RIC3: variants seen among roughly 807,000 people sequenced by gnomAD.
RIC3 encodes RIC3 acetylcholine receptor chaperone, also known as protein RIC-3.
RIC3 carries 28 observed loss-of-function variants against 27.3 expected under a neutral mutation model. That is an observed-to-expected ratio of 1.02 (90% CI 0.76 to 1.41). RIC3 has a LOEUF of 1.41. RIC3 is among the 40% of genes most tolerant of loss of function. RIC3 has a pLI of 0.00. For synonymous variants in RIC3, 184 were observed against 160.4 expected, an observed-to-expected ratio of 1.15 and a Z score of -1.11; for missense variants, 501 against 444.7, an observed-to-expected ratio of 1.13 and a Z score of -1.14.
the RIC3 span, among the ~76,000 whole-genome samples, chr11:8,099,973 G>A: frequency 6.6e-6 from 1 of 152,202 alleles, no homozygotes; most frequent in Admixed American, 6.5e-5. Flanking sequence ...GGAGTGAGCT[G>A]GAGAGCCACT....
chr11:8,099,384 T>G, the RIC3 span, among the ~76,000 whole-genome samples: 2 of 152,182 alleles, frequency 1.3e-5, no homozygotes, highest in Non-Finnish European at 2.9e-5. Context: ...TTGAACCTTT[T>G]TCTTCATTTT....
chr11:8,126,681 G>A lies in RIC3; in HGVS notation c.648C>T (p.Ala216=), dbSNP rs771388952. The A allele has an allele frequency of 6.2e-7, 1 of 1,613,958 alleles. No individual in the cohort carries two copies. Among genetic ancestry groups the A allele is most frequent in the South Asian group, 1.1e-5 (1 of 91,060 alleles). ...TACCTTCCCAGTCCTCCATGTAAGG[G>A]GCCTCCTCAGCTTCTTTCTCTGGAG... The part of the protein sequence containing the change: ...RFSPEKEAEE[A]PYMEDWEGYP... Residue 216 remains alanine (A), a synonymous_variant, in exon 5 of 6, where the codon GCC becomes GCT. Transcript: ENST00000309737.
chr11:8,110,623 A>G lies in RIC3; in HGVS notation c.*75T>C, dbSNP rs549019110. 4 of 1,325,158 alleles carry G rather than the reference A, an allele frequency of 3.0e-6. No homozygotes were observed. Among genetic ancestry groups the G allele is most frequent in the East Asian group, 4.6e-5 (2 of 43,598 alleles). The allele number at this position is 1,325,158 out of a possible 1,614,324, so 82.1% of individuals were successfully genotyped here. A position where few individuals can be genotyped will look rare whatever the true frequency, so the allele number is the denominator to read the frequency against. The stretch of plus-strand genomic sequence containing the variant: ...ACACAGTGAAGAAAGTGCAGGGCAC[A>G]GGGCCAAGAAGGAAATCTGAGGAGA... On this transcript the variant is annotated 3_prime_UTR_variant, in exon 6 of 6. Transcript: ENST00000309737.
rs1460982138 is a variant in RIC3, at chr11:8,135,086, G to A, written c.521+2292C>T. Among the ~76,000 whole-genome samples the A allele has an allele frequency of 3.3e-5, 5 of 151,974 alleles. No homozygotes were observed. In the South Asian group the frequency reaches 8.3e-4, roughly 25 times the overall value. The stretch of plus-strand genomic sequence containing the variant: ...TTGTCCACGCCTATGGTATTGCCTA[G>A]GTTTTCTTCTAGGGTTTTTATGGTT... On this transcript the variant is annotated intron_variant, in intron 4 of 5. Transcript: ENST00000309737.
rs144281227 is a variant in RIC3, at chr11:8,120,497, G to T, written c.670+6162C>A. 6.5e-3 allele frequency among the ~76,000 whole-genome samples: 982 copies of T among 152,242 alleles called. 22 individuals carry two copies. The highest frequency in any genetic ancestry group is 0.051 in the Admixed American group (783 of 15,284). On this transcript the variant is annotated intron_variant, in intron 5 of 5. Coordinates refer to ENST00000309737, the MANE Select transcript of RIC3 (RefSeq NM_001206671.4). ...AACAATGAGATCACTTGGACACAGG[G>T]TGAGGAACATCATACACCGGGACCT...
At chr11:8,134,226 A>G (rs1160510468) in intron 4 of RIC3, among the ~76,000 whole-genome samples, 1 of 152,028 alleles carries the variant, frequency 6.6e-6, no homozygotes, top group African/African-American at 2.4e-5. Context: ...ATTCCCACCT[A>G]TGAGTGAGAA....
At chr11:8,122,831 T>C (rs1279517933) in intron 5 of RIC3, among the ~76,000 whole-genome samples, 1 of 111,932 alleles carries the variant, frequency 8.9e-6, no homozygotes, top group Non-Finnish European at 1.7e-5. Context: ...AAATTTGTAA[T>C]ATCCATCATC....
At position 8,108,784 on chromosome 11, in the gene RIC3, C is replaced by G. The variant is rs199832013; in HGVS notation, c.*1914G>C. ...CTAGCACCTGGCACTGAGCAATTGA[C>G]TGCTAAATGAATGAATGAGCTAGAA... is the stretch of plus-strand genomic sequence containing the variant. On this transcript the variant is annotated 3_prime_UTR_variant, in exon 6 of 6. Transcript: ENST00000309737. 1 of 152,188 alleles carries G rather than the reference C, an allele frequency of 6.6e-6. No individual in the cohort carries two copies. Among genetic ancestry groups the G allele is most frequent in the Non-Finnish European group, 1.5e-5 (1 of 68,036 alleles). The allele number at this position is 152,188 out of a possible 1,614,324, so 9.4% of individuals were successfully genotyped here.
At chr11:8,139,754 T>G (rs1308921743) in intron 2 of RIC3, 1 of 544,950 alleles carries the variant, frequency 1.8e-6, no homozygotes, top group African/African-American at 1.9e-5. Context: ...GTTGTGAATT[T>G]TGGGGCAAAA....
At chr11:8,145,567 T>C (rs1400014612) in intron 1 of RIC3, among the ~76,000 whole-genome samples, 1 of 151,930 alleles carries the variant, frequency 6.6e-6, no homozygotes, top group African/African-American at 2.4e-5. Flanking sequence ...ACAGACAGGA[T>C]GGATATAGCA....
At chr11:8,115,827 C>A (rs535121639) in intron 5 of RIC3, among the ~76,000 whole-genome samples, 2 of 152,296 alleles carry the variant, frequency 1.3e-5, no homozygotes, top group South Asian at 2.1e-4. Flanking sequence ...CTATACAAAG[C>A]AATCTACAGA....
In RIC3 at chr11:8,136,114, T is replaced by A. The variant is rs148577456; in HGVS notation, c.521+1264A>T. On this transcript the variant is annotated intron_variant, in intron 4 of 5. Coordinates refer to ENST00000309737, the MANE Select transcript of RIC3 (RefSeq NM_001206671.4). The stretch of plus-strand genomic sequence containing the variant: ...GGCTCCTGGGCCCACACAGGCAAGG[T>A]TCATCCTCACAAATGTCATTTCAAC... 2.0e-5 allele frequency among the ~76,000 whole-genome samples: 3 copies of A among 152,262 alleles called. No homozygotes were observed. In the East Asian group the frequency reaches 5.8e-4, roughly 29 times the overall value.
chr11:8,139,490 T>A (rs911670186), intron 2 of RIC3: 4 of 157,650 alleles, frequency 2.5e-5, no homozygotes, highest in African/African-American at 9.6e-5. Flanking sequence ...AAAAACAGCA[T>A]CTCAAATTCC....
intron 2 of RIC3, chr11:8,139,754 T>C: frequency 1.8e-6 from 1 of 545,064 alleles, no homozygotes; most frequent in South Asian, 2.7e-5. Flanking sequence ...GTTGTGAATT[T>C]TGGGGCAAAA....
At chr11:8,132,387 G>A (rs1009903358) in intron 4 of RIC3, among the ~76,000 whole-genome samples, 2 of 152,162 alleles carry the variant, frequency 1.3e-5, no homozygotes, top group African/African-American at 4.8e-5. Context: ...AAAGCCTTCA[G>A]AGTCAAAATA....
chr11:8,096,836 T>G, the RIC3 span: 3 of 1,612,624 alleles, frequency 1.9e-6, no homozygotes, highest in Non-Finnish European at 2.5e-6. Context: ...TCCACAGCAG[T>G]TTTTGGAGGA....
intron 1 of RIC3, among the ~76,000 whole-genome samples, chr11:8,146,470 C>G (rs1949691295): frequency 6.6e-6 from 1 of 152,144 alleles, no homozygotes; most frequent in South Asian, 2.1e-4. Flanking sequence ...TAAACTTGCA[C>G]TAACAAAGTT....
the RIC3 span, chr11:8,095,693 C>T: frequency 1.4e-5 from 22 of 1,561,026 alleles, no homozygotes; most frequent in South Asian, 2.4e-5. Context: ...CCAGTGATAC[C>T]CCCAAAACTC....
chr11:8,100,824 A>G, the RIC3 span: 1 of 1,613,816 alleles, frequency 6.2e-7, no homozygotes, highest in Non-Finnish European at 8.5e-7. Context: ...CTGCCCTCCC[A>G]GGAGCATGAG....
Sources: allele counts gnomAD v4.1 joint callset (sites outside exome capture counted in the v4.1 genomes callset), GRCh38; gene constraint gnomAD v4.1.1; transcripts MANE v1.5; gene names NCBI Gene and HGNC (gene_info 2026-07-23, HGNC 2026-07-21).